LAMA2: variants seen among roughly 807,000 people sequenced by gnomAD.
LAMA2 encodes the protein laminin subunit alpha 2.
In LAMA2, 269 loss-of-function variants were observed where a neutral mutation model predicts 364.8. The ratio of observed to expected loss-of-function variants is 0.74; its 90% confidence interval spans 0.67 to 0.82. The LOEUF is 0.82. Among genes scored for constraint, LAMA2 ranks in the 40% least tolerant of loss-of-function variants. LAMA2 has a pLI of 0.00. For synonymous variants in LAMA2, 1,379 were observed against 1,370.6 expected, an observed-to-expected ratio of 1.01 and a Z score of -0.14; for missense variants, 3,807 against 3,873.2, an observed-to-expected ratio of 0.98 and a Z score of 0.45.
intron 63 of LAMA2, 99 bp from the exon 64 acceptor site, chr6:129,514,274 C>A: frequency 1.1e-6 from 1 of 895,242 alleles, no homozygotes; most frequent in Non-Finnish European, 1.8e-6. Flanking sequence ...ATGATTCTGG[C>A]TGATGTCTTT....
intron 1 of LAMA2, among the ~76,000 whole-genome samples, chr6:128,902,452 T>A (rs914738085): frequency 6.6e-6 from 1 of 152,102 alleles, no homozygotes; most frequent in Non-Finnish European, 1.5e-5. Context: ...TCTCAGCATA[T>A]AAACACATAA....
intron 11 of LAMA2, 143 bp downstream of exon 11, chr6:129,190,488 C>G (rs571808575): frequency 2.4e-6 from 2 of 847,150 alleles, no homozygotes; most frequent in East Asian, 5.6e-5. Flanking sequence ...TCTTCAAATG[C>G]TGTTGTGTAT....
chr6:129,082,293 T>C (rs1214622071), intron 3 of LAMA2, among the ~76,000 whole-genome samples: 1 of 152,136 alleles, frequency 6.6e-6, no homozygotes, highest in Non-Finnish European at 1.5e-5. Context: ...TCTGTGCTAC[T>C]GCAACATTAC....
chr6:129,353,366 A>ACTAACTTTG lies in LAMA2; in HGVS notation c.4717+12_4717+20dup, dbSNP rs761353189. ...GGGCTGGGAGTGTGTTTGTACGTAT[A>ACTAACTTTG]CTAACTTTGCTGTTAGTTTTGGAGG... On this transcript the variant is annotated intron_variant, in intron 32 of 64. Coordinates refer to ENST00000421865, the MANE Select transcript of LAMA2 (RefSeq NM_000426.4). 1.4e-5 allele frequency: 22 copies of ACTAACTTTG among 1,611,642 alleles called. No individual in the cohort carries two copies. Among genetic ancestry groups the ACTAACTTTG allele is most frequent in the Admixed American group, 6.7e-5 (4 of 59,946 alleles).
At chr6:129,391,685 A>G in intron 36 of LAMA2, 32 bp downstream of exon 36, 1 of 1,575,510 alleles carries the variant, frequency 6.3e-7, no homozygotes, top group Non-Finnish European at 8.7e-7. Flanking sequence ...TTTTCTTTTG[A>G]CAAACTGAGA....
chr6:129,131,935 C>T (rs1240778734), intron 4 of LAMA2, among the ~76,000 whole-genome samples: 1 of 152,192 alleles, frequency 6.6e-6, no homozygotes, highest in African/African-American at 2.4e-5. Flanking sequence ...AGGATCCCTT[C>T]TCCATCACGT....
intron 40 of LAMA2, among the ~76,000 whole-genome samples, chr6:129,421,992 A>G (rs1781096210): frequency 6.6e-6 from 1 of 151,980 alleles, no homozygotes; most frequent in African/African-American, 2.4e-5. Flanking sequence ...AAGGCCTCCA[A>G]ATTGCTCATT....
intron 3 of LAMA2, among the ~76,000 whole-genome samples, chr6:129,081,762 C>T (rs1774071257): frequency 6.6e-6 from 1 of 152,042 alleles, no homozygotes; most frequent in Admixed American, 6.6e-5. Context: ...TGTTTAAGTA[C>T]CAACAGAGGA....
chr6:129,142,778 A>T (rs2114956917), intron 4 of LAMA2, among the ~76,000 whole-genome samples: 1 of 152,164 alleles, frequency 6.6e-6, no homozygotes, highest in Non-Finnish European at 1.5e-5. Flanking sequence ...GAGTATTACC[A>T]ATATTTGTGG....
intron 3 of LAMA2, among the ~76,000 whole-genome samples, chr6:129,080,875 C>T (rs1258265123): frequency 6.6e-6 from 1 of 152,138 alleles, no homozygotes; most frequent in Non-Finnish European, 1.5e-5. Flanking sequence ...CCATTTGACC[C>T]AGCCATCCCA....
chr6:129,307,652 G>A (rs1002220544), intron 22 of LAMA2, among the ~76,000 whole-genome samples: 1 of 151,956 alleles, frequency 6.6e-6, no homozygotes, highest in South Asian at 2.1e-4. Context: ...ATTGTTTCTT[G>A]GTTTGTATTT....
intron 4 of LAMA2, among the ~76,000 whole-genome samples, chr6:129,126,698 A>G (rs1777134914): frequency 7.1e-6 from 1 of 141,296 alleles, no homozygotes; most frequent in Non-Finnish European, 1.5e-5. Flanking sequence ...ACAAATTTTA[A>G]AAAAAATAAG....
intron 29 of LAMA2, 132 bp downstream of exon 29, chr6:129,328,544 G>T: frequency 1.4e-6 from 2 of 1,419,774 alleles, no homozygotes. Flanking sequence ...ATATGTAAGG[G>T]AAAAAGATAT....
chr6:128,911,099 TGCCCTGCCCCCAGA>T (rs2114455413), intron 1 of LAMA2, among the ~76,000 whole-genome samples: 1 of 152,148 alleles, frequency 6.6e-6, no homozygotes, highest in East Asian at 1.9e-4. Flanking sequence ...TGTTTGTCTG[TGCCCTGCCCCCAGA>T]GGTGGAGCCT....
At chr6:129,331,291 T>G (rs1205143598) in intron 29 of LAMA2, among the ~76,000 whole-genome samples, 2 of 152,164 alleles carry the variant, frequency 1.3e-5, no homozygotes, top group African/African-American at 2.4e-5. Context: ...TCTGCAATCA[T>G]GCCACTTTTC....
intron 20 of LAMA2, among the ~76,000 whole-genome samples, chr6:129,295,199 A>G (rs1460885620): frequency 6.6e-6 from 1 of 152,202 alleles, no homozygotes; most frequent in South Asian, 2.1e-4. Flanking sequence ...TCAATAAAAA[A>G]GTGGTGAGAA....
intron 4 of LAMA2, among the ~76,000 whole-genome samples, chr6:129,126,678 T>C (rs561529490): frequency 6.6e-6 from 1 of 152,106 alleles, no homozygotes; most frequent in Non-Finnish European, 1.5e-5. Flanking sequence ...AAACTGAATA[T>C]ATCATCAATA....
intron 31 of LAMA2, 152 bp downstream of exon 31, chr6:129,349,536 T>C: frequency 1.5e-6 from 1 of 682,846 alleles, no homozygotes; most frequent in Non-Finnish European, 2.6e-6. Flanking sequence ...CACTTGTGTA[T>C]CTTAGAATTT....
At chr6:128,907,228 G>T (rs1320799308) in intron 1 of LAMA2, among the ~76,000 whole-genome samples, 2 of 142,494 alleles carry the variant, frequency 1.4e-5, no homozygotes, top group African/African-American at 5.3e-5. Context: ...ACCTTGGGCA[G>T]TATGGCCATT....
Sources: gnomAD v4.1 joint callset for allele counts (sites outside exome capture counted in the v4.1 genomes callset) on GRCh38, gnomAD v4.1.1 for gene constraint, MANE v1.5 for transcripts, NCBI Gene and HGNC (gene_info 2026-07-23, HGNC 2026-07-21) for gene names.